The following DACH1 variants were observed in gnomAD, a reference collection of about 807,000 sequenced individuals.
DACH1 encodes the protein dachshund homolog 1.
A neutral mutation model predicts 54.2 loss-of-function variants in DACH1; 12 were observed. The observed-to-expected ratio is 0.22, with a 90% CI of 0.14 to 0.36. The LOEUF (loss-of-function observed/expected upper bound fraction) is 0.36, where lower values mean the gene tolerates loss of function less well. Among genes scored for constraint, DACH1 ranks in the 10% least tolerant of loss-of-function variants. The probability of loss-of-function intolerance (pLI) is 1.00; values close to 1 mark genes in which losing one functional copy is unlikely to be tolerated. For missense variants in DACH1, 805 were observed against 929.8 expected, an observed-to-expected ratio of 0.87 and a Z score of 1.75; for synonymous variants, 386 against 366.2, an observed-to-expected ratio of 1.05 and a Z score of -0.62.
At chr13:71,654,805 G>C (rs917167397) in intron 2 of DACH1, among the ~76,000 whole-genome samples, 1 of 152,232 alleles carries the variant, frequency 6.6e-6, no homozygotes, top group South Asian at 2.1e-4. Flanking sequence ...ATGACAGATG[G>C]CTTTGATAAA....
At chr13:71,617,423 G>T (rs1465302747) in intron 3 of DACH1, among the ~76,000 whole-genome samples, 1 of 152,064 alleles carries the variant, frequency 6.6e-6, no homozygotes, top group East Asian at 1.9e-4. Context: ...TGCCTGCACT[G>T]CATGAGTTTA....
At chr13:71,459,367 A>G (rs1026194279) in intron 10 of DACH1, among the ~76,000 whole-genome samples, 5 of 151,940 alleles carry the variant, frequency 3.3e-5, no homozygotes, top group African/African-American at 1.2e-4. Flanking sequence ...TCCATTCTAT[A>G]CTGCAGTGAA....
intron 10 of DACH1, among the ~76,000 whole-genome samples, chr13:71,447,323 G>A (rs1251166908): frequency 6.9e-6 from 1 of 144,156 alleles, no homozygotes; most frequent in Non-Finnish European, 1.5e-5. Flanking sequence ...TGTCTGAGGA[G>A]ACAGACAGGA....
chr13:71,773,094 C>T (rs545824662), intron 1 of DACH1, among the ~76,000 whole-genome samples: 1 of 151,802 alleles, frequency 6.6e-6, no homozygotes, highest in South Asian at 2.1e-4. Context: ...TGTACCACAC[C>T]TCTGCTGATT....
intron 4 of DACH1, among the ~76,000 whole-genome samples, chr13:71,561,417 C>T (rs1884575302): frequency 6.6e-6 from 1 of 152,070 alleles, no homozygotes; most frequent in Admixed American, 6.6e-5. Flanking sequence ...CGTGTCCTTA[C>T]AAGTAGATGT....
chr13:71,688,580 C>T (rs558737667), intron 1 of DACH1, among the ~76,000 whole-genome samples: 2 of 152,248 alleles, frequency 1.3e-5, no homozygotes, highest in African/African-American at 2.4e-5. Flanking sequence ...CAGTCATGTG[C>T]ACTTCTCAGT....
At chr13:71,706,408 A>G (rs1882449226) in intron 1 of DACH1, among the ~76,000 whole-genome samples, 1 of 152,034 alleles carries the variant, frequency 6.6e-6, no homozygotes, top group African/African-American at 2.4e-5. Context: ...AATCCCAACA[A>G]AGATAGCATA....
chr13:71,810,250 A>G (rs1461456217), intron 1 of DACH1, among the ~76,000 whole-genome samples: 2 of 152,170 alleles, frequency 1.3e-5, no homozygotes, highest in Non-Finnish European at 2.9e-5. Context: ...TACAGCTGAG[A>G]GATAGGTTAA....
At chr13:71,761,311 G>A (rs1040171152) in intron 1 of DACH1, among the ~76,000 whole-genome samples, 3 of 152,072 alleles carry the variant, frequency 2.0e-5, no homozygotes, top group African/African-American at 4.8e-5. Context: ...AGGGCAGAGG[G>A]TACAATGTGT....
chr13:71,830,597 C>T (rs1888547999), intron 1 of DACH1, among the ~76,000 whole-genome samples: 1 of 151,720 alleles, frequency 6.6e-6, no homozygotes, highest in Non-Finnish European at 1.5e-5. Context: ...GAATTAAAGA[C>T]CCACTATGTT....
chr13:71,495,373 T>C, intron 6 of DACH1, among the ~76,000 whole-genome samples: 1 of 151,962 alleles, frequency 6.6e-6, no homozygotes, highest in African/African-American at 2.4e-5. Flanking sequence ...TATAAAAATA[T>C]AAAATTTTAT....
At chr13:71,781,884 T>C (rs111639793) in intron 1 of DACH1, among the ~76,000 whole-genome samples, 97 of 152,250 alleles carry the variant, frequency 6.4e-4, no homozygotes, top group African/African-American at 2.3e-3. Context: ...ACACAAAAGG[T>C]TTGTGAACCT....
chr13:71,459,554 A>G (rs1187499893), intron 10 of DACH1, among the ~76,000 whole-genome samples: 1 of 151,986 alleles, frequency 6.6e-6, no homozygotes, highest in Non-Finnish European at 1.5e-5. Context: ...GCTAAACCAT[A>G]TGAAAGCATA....
chr13:71,841,555 CTG>C (rs1187117104), intron 1 of DACH1, among the ~76,000 whole-genome samples: 3 of 152,228 alleles, frequency 2.0e-5, no homozygotes, highest in African/African-American at 7.2e-5. Context: ...CATAAATAAA[CTG>C]TGAAATGTAG....
At chr13:71,655,518 C>T (rs1327169068) in intron 2 of DACH1, among the ~76,000 whole-genome samples, 1 of 151,294 alleles carries the variant, frequency 6.6e-6, no homozygotes, top group African/African-American at 2.4e-5. Context: ...TTACAGGTGC[C>T]CGCCACCATG....
chr13:71,577,853 A>T lies in DACH1; in HGVS notation c.1127-4841T>A, dbSNP rs192565167. Among the ~76,000 whole-genome samples the T allele has an allele frequency of 8.3e-4, 127 of 152,252 alleles. 1 individual carries two copies. Among genetic ancestry groups the T allele is most frequent in the Non-Finnish European group, 1.5e-3 (102 of 68,006 alleles). On this transcript the variant is annotated intron_variant, in intron 3 of 10. Coordinates refer to ENST00000613252, the MANE Select transcript of DACH1 (RefSeq NM_080759.6). ...TTTCTCTACTAAAAACACAATAACA[A>T]TTTTGAGTGTGTGTACGCACGGCAC...
At chr13:71,743,196 G>T (rs952625385) in intron 1 of DACH1, among the ~76,000 whole-genome samples, 5 of 152,094 alleles carry the variant, frequency 3.3e-5, no homozygotes, top group Admixed American at 3.3e-4. Flanking sequence ...AATGCCAAAA[G>T]AAGGACAGAT....
chr13:71,723,455 G>T (rs1883322276), intron 1 of DACH1, among the ~76,000 whole-genome samples: 1 of 151,962 alleles, frequency 6.6e-6, no homozygotes, highest in South Asian at 2.1e-4. Context: ...TGGTTAACAT[G>T]GTTCCCCAAA....
At position 71,477,101 on chromosome 13, in the gene DACH1, TA is replaced by T. The variant is rs1353749093; in HGVS notation, c.1871-1253del. Among the ~76,000 whole-genome samples, 374 of 53,122 alleles carry T rather than the reference TA, an allele frequency of 7.0e-3. 3 individuals are homozygous for T. The highest frequency in any genetic ancestry group is 0.024 in the African/African-American group (343 of 14,340). 34.9% of individuals were successfully genotyped at this position (53,122 alleles called of 152,430 possible). On this transcript the variant is annotated intron_variant, in intron 8 of 10. Transcript: ENST00000613252. ...ATTATTATATATATATATATATATA[TA>T]TATTTTTTTTTTTTTTTTTTTTTTT... is the stretch of plus-strand genomic sequence containing the variant.
Sources: gnomAD v4.1 joint callset for allele counts (sites outside exome capture counted in the v4.1 genomes callset) on GRCh38, gnomAD v4.1.1 for gene constraint, MANE v1.5 for transcripts, NCBI Gene and HGNC (gene_info 2026-07-23, HGNC 2026-07-21) for gene names.